Variants in SLC14A2 observed in about 807,000 individuals in gnomAD.
SLC14A2 encodes solute carrier family 14 member 2.
A neutral mutation model predicts 104.6 loss-of-function variants in SLC14A2; 91 were observed. The observed-to-expected ratio is 0.87, with a 90% CI of 0.73 to 1.04. The LOEUF is 1.04. Among genes scored for constraint, SLC14A2 ranks in the 50% least tolerant of loss-of-function variants. The pLI, the probability that SLC14A2 is intolerant of heterozygous loss-of-function variation, is 0.00. For missense variants in SLC14A2, 1,189 were observed against 1,156.0 expected (o/e 1.03, Z -0.41); for synonymous variants, 476 against 466.4 (o/e 1.02, Z -0.27).
chr18:45,261,662 G>A (rs1420350348), intron 1 of SLC14A2, among the ~76,000 whole-genome samples: 1 of 151,658 alleles, frequency 6.6e-6, no homozygotes, highest in African/African-American at 2.4e-5. Context: ...TGCGGTGTTT[G>A]GTTTTTTGTC....
the SLC14A2 span, among the ~76,000 whole-genome samples, chr18:45,204,410 C>T: frequency 8.0e-4 from 122 of 152,278 alleles, no homozygotes; most frequent in African/African-American, 2.7e-3. Context: ...CTGGCTTGTG[C>T]GATCCCTGTG....
intron 2 of SLC14A2, among the ~76,000 whole-genome samples, chr18:45,546,905 A>G (rs2043978956): frequency 6.6e-6 from 1 of 152,176 alleles, no homozygotes; most frequent in Non-Finnish European, 1.5e-5. Flanking sequence ...CTTGATTTTC[A>G]TTCCGTCCTA....
chr18:45,272,754 A>C (rs1220945631), intron 1 of SLC14A2, among the ~76,000 whole-genome samples: 1 of 152,108 alleles, frequency 6.6e-6, no homozygotes, highest in Non-Finnish European at 1.5e-5. Context: ...AACTTAAAGA[A>C]TATAATTGGG....
At chr18:45,457,194 T>G (rs147633442) in intron 1 of SLC14A2, among the ~76,000 whole-genome samples, 287 of 152,302 alleles carry the variant, frequency 1.9e-3, no homozygotes, top group Admixed American at 3.2e-3. Flanking sequence ...GAGTCTCAGA[T>G]TCAGCTACCA....
intron 1 of SLC14A2, among the ~76,000 whole-genome samples, chr18:45,383,778 G>C (rs1048640257): frequency 2.0e-5 from 3 of 152,108 alleles, no homozygotes; most frequent in African/African-American, 7.2e-5. Context: ...TGCTAGGAGA[G>C]CAATCTGAAA....
At chr18:45,423,439 T>C (rs2144525293) in intron 1 of SLC14A2, among the ~76,000 whole-genome samples, 1 of 152,270 alleles carries the variant, frequency 6.6e-6, no homozygotes, top group Admixed American at 6.5e-5. Flanking sequence ...GGGCTCAGAG[T>C]GGCCAGTAAT....
chr18:45,248,199 CTCAG>C (rs370139831), intron 1 of SLC14A2, among the ~76,000 whole-genome samples: 21 of 152,282 alleles, frequency 1.4e-4, no homozygotes, highest in African/African-American at 4.6e-4. Flanking sequence ...AACACCCTCT[CTCAG>C]TTTTGCCAAG....
At chr18:45,460,954 C>A (rs2087034730) in intron 1 of SLC14A2, among the ~76,000 whole-genome samples, 3 of 152,068 alleles carry the variant, frequency 2.0e-5, no homozygotes, top group Non-Finnish European at 2.9e-5. Context: ...GTTGTATGAA[C>A]CCCTTCTCAA....
chr18:45,600,835 A>G (rs2044779491), intron 2 of SLC14A2, among the ~76,000 whole-genome samples: 1 of 152,202 alleles, frequency 6.6e-6, no homozygotes, highest in Non-Finnish European at 1.5e-5. Context: ...AAATATTTGA[A>G]TTATTGTGAA....
At chr18:45,650,646 G>A (rs1340315712) in intron 10 of SLC14A2, among the ~76,000 whole-genome samples, 1 of 152,234 alleles carries the variant, frequency 6.6e-6, no homozygotes, top group Non-Finnish European at 1.5e-5. Context: ...TACCTGGCCA[G>A]GTGAATAGTC....
intron 1 of SLC14A2, among the ~76,000 whole-genome samples, chr18:45,341,150 C>T (rs1050011525): frequency 5.3e-5 from 8 of 151,096 alleles, no homozygotes; most frequent in Non-Finnish European, 7.4e-5. Flanking sequence ...TCAGGCATTT[C>T]TCATATTTAT....
intron 1 of SLC14A2, among the ~76,000 whole-genome samples, chr18:45,618,669 CAAAAAAAAAAAAAAAA>C (rs60728655): frequency 1.8e-4 from 9 of 50,692 alleles, no homozygotes; most frequent in Non-Finnish European, 2.2e-4. Flanking sequence ...AACTCTGTCT[CAAAAAAAAAAAAAAAA>C]AAAAAAAAAA....
At chr18:45,406,128 G>A (rs1351265021) in intron 1 of SLC14A2, among the ~76,000 whole-genome samples, 1 of 152,000 alleles carries the variant, frequency 6.6e-6, no homozygotes, top group East Asian at 1.9e-4. Context: ...ACTCACAGTA[G>A]AACTTCTTTC....
the SLC14A2 span, among the ~76,000 whole-genome samples, chr18:45,177,692 A>C: frequency 1.3e-5 from 2 of 152,182 alleles, no homozygotes; most frequent in Non-Finnish European, 2.9e-5. Flanking sequence ...AATATACAAT[A>C]ATTCACAACT....
chr18:45,582,180 T>C (rs2044502335), intron 2 of SLC14A2, among the ~76,000 whole-genome samples: 1 of 152,172 alleles, frequency 6.6e-6, no homozygotes, highest in Non-Finnish European at 1.5e-5. Flanking sequence ...CACCAGGAGA[T>C]GATGAACAAG....
In SLC14A2 at chr18:45,634,007, A is replaced by G. The variant is rs542414165; in HGVS notation, c.650+1529A>G. ...ATACATTTGGTTTAAAACTACATAG[A>G]TTAAGCCCCTCAACACAGCTCCTCA... On this transcript the variant is annotated intron_variant, in intron 5 of 19. Coordinates refer to ENST00000255226, the MANE Select transcript of SLC14A2 (RefSeq NM_007163.4). 2.0e-5 allele frequency among the ~76,000 whole-genome samples: 3 copies of G among 152,292 alleles called. No individual in the cohort carries two copies. In the South Asian group the frequency reaches 6.2e-4, roughly 32 times the overall value.
intron 1 of SLC14A2, among the ~76,000 whole-genome samples, chr18:45,481,613 T>C (rs2087494729): frequency 6.6e-6 from 1 of 152,220 alleles, no homozygotes; most frequent in East Asian, 1.9e-4. Flanking sequence ...AAAAAATCTA[T>C]TGAATTCAGT....
intron 4 of SLC14A2, among the ~76,000 whole-genome samples, chr18:45,628,437 T>C (rs1599085743): frequency 2.4e-5 from 2 of 82,128 alleles, no homozygotes; most frequent in South Asian, 1.1e-3. Flanking sequence ...AGCGAGACTC[T>C]GCCTCAAAAA....
At chr18:45,420,651 G>T (rs1177203850) in intron 1 of SLC14A2, among the ~76,000 whole-genome samples, 2 of 152,262 alleles carry the variant, frequency 1.3e-5, no homozygotes, top group East Asian at 1.9e-4. Flanking sequence ...AATAGGAAAG[G>T]ATGGTCAAAT....
Sources: gnomAD v4.1 joint callset for allele counts (sites outside exome capture counted in the v4.1 genomes callset) on GRCh38, gnomAD v4.1.1 for gene constraint, MANE v1.5 for transcripts, NCBI Gene and HGNC (gene_info 2026-07-23, HGNC 2026-07-21) for gene names.